LARP4B: variants seen among roughly 807,000 people sequenced by gnomAD.
The protein encoded by LARP4B is La ribonucleoprotein 4B.
In LARP4B, 12 loss-of-function variants were observed where a neutral mutation model predicts 89.8. That is an observed-to-expected ratio of 0.13 (90% CI 0.09 to 0.22). The LOEUF (loss-of-function observed/expected upper bound fraction) is 0.22, where lower values mean the gene tolerates loss of function less well. Ranked by LOEUF, LARP4B falls within the 10% of genes least tolerant of loss-of-function variation. The pLI is 1.00. For missense variants in LARP4B, 757 were observed against 947.7 expected (o/e 0.80, Z 2.64); for synonymous variants, 367 against 363.3 (o/e 1.01, Z -0.12).
intron 5 of LARP4B, among the ~76,000 whole-genome samples, chr10:850,451 A>G (rs1833984403): frequency 6.6e-6 from 1 of 152,264 alleles, no homozygotes; most frequent in African/African-American, 2.4e-5. Flanking sequence ...CAATGAATCA[A>G]GAGGCCACAA....
At chr10:972,861 G>A in the LARP4B span, 1 of 457,018 alleles carries the variant, frequency 2.2e-6, no homozygotes. Flanking sequence ...TACAGAGAAT[G>A]CTGGCAGTTC....
chr10:841,339 C>T (rs1237314306), intron 7 of LARP4B, among the ~76,000 whole-genome samples: 2 of 152,026 alleles, frequency 1.3e-5, no homozygotes, highest in Non-Finnish European at 2.9e-5. Context: ...GTCCAAAAAT[C>T]GAGTGAAAAA....
At chr10:834,980 C>CA (rs535452944) in intron 8 of LARP4B, among the ~76,000 whole-genome samples, 126 of 148,148 alleles carry the variant, frequency 8.5e-4, no homozygotes, top group South Asian at 7.6e-3. Context: ...GTGGAGGTTG[C>CA]AGTGAGCCGA....
chr10:839,053 CA>C (rs1833380523), intron 7 of LARP4B, among the ~76,000 whole-genome samples: 1 of 152,018 alleles, frequency 6.6e-6, no homozygotes, highest in Non-Finnish European at 1.5e-5. Context: ...GGACATTCTG[CA>C]AAAGGCAAAA....
At chr10:980,276 C>A in the LARP4B span, among the ~76,000 whole-genome samples, 1 of 152,180 alleles carries the variant, frequency 6.6e-6, no homozygotes, top group African/African-American at 2.4e-5. Context: ...GTGTAGGGTG[C>A]AAGCTGCTGG....
At chr10:978,969 C>G in the LARP4B span, among the ~76,000 whole-genome samples, 1 of 151,818 alleles carries the variant, frequency 6.6e-6, no homozygotes, top group South Asian at 2.1e-4. Context: ...TCCACTGTCT[C>G]CTGTCTCTCA....
the LARP4B span, among the ~76,000 whole-genome samples, chr10:966,991 G>A: frequency 3.9e-5 from 6 of 152,348 alleles, no homozygotes; most frequent in African/African-American, 7.2e-5. Context: ...CAAGGCGTTC[G>A]AACCCTTTCC....
At chr10:938,775 G>A in the LARP4B span, among the ~76,000 whole-genome samples, 2 of 152,076 alleles carry the variant, frequency 1.3e-5, no homozygotes, top group Non-Finnish European at 2.9e-5. Flanking sequence ...TAAATCCGAG[G>A]GTAGGATATA....
the LARP4B span, among the ~76,000 whole-genome samples, chr10:952,496 C>T: frequency 7.6e-6 from 1 of 131,690 alleles, no homozygotes; most frequent in African/African-American, 2.9e-5. Flanking sequence ...CCACAACCAA[C>T]TGCATAACAG....
At chr10:973,258 CA>C in the LARP4B span, among the ~76,000 whole-genome samples, 1 of 152,142 alleles carries the variant, frequency 6.6e-6, no homozygotes, top group African/African-American at 2.4e-5. Context: ...TGGGATAGCA[CA>C]ACCTCTTCCT....
intron 1 of LARP4B, among the ~76,000 whole-genome samples, chr10:893,318 A>G (rs1240484306): frequency 6.6e-6 from 1 of 152,198 alleles, no homozygotes; most frequent in African/African-American, 2.4e-5. Context: ...GTATATATAC[A>G]TGCCTACACA....
chr10:944,897 T>C, the LARP4B span, among the ~76,000 whole-genome samples: 1 of 152,358 alleles, frequency 6.6e-6, no homozygotes, highest in East Asian at 1.9e-4. Context: ...CAAGTCGTAC[T>C]TAGAATTAGT....
intron 15 of LARP4B, chr10:815,683 G>C (rs907999571): frequency 6.6e-6 from 1 of 152,250 alleles, no homozygotes; most frequent in Non-Finnish European, 1.5e-5. Flanking sequence ...AGCGACCCCT[G>C]TGCAGGGGCT....
chr10:983,588 T>C, the LARP4B span, among the ~76,000 whole-genome samples: 1 of 152,130 alleles, frequency 6.6e-6, no homozygotes, highest in Non-Finnish European at 1.5e-5. Context: ...AAGCATGGGG[T>C]CGGGGAAGCC....
the LARP4B span, among the ~76,000 whole-genome samples, chr10:940,750 G>GC: frequency 2.6e-5 from 4 of 152,208 alleles, no homozygotes; most frequent in Non-Finnish European, 5.9e-5. Context: ...CAGGAGAGGT[G>GC]TGAGCTAGTC....
At chr10:963,358 C>T in the LARP4B span, among the ~76,000 whole-genome samples, 14 of 152,322 alleles carry the variant, frequency 9.2e-5, no homozygotes, top group South Asian at 1.9e-3. Context: ...GCTTCTTATC[C>T]ACCACGCTGC....
the LARP4B span, among the ~76,000 whole-genome samples, chr10:960,239 G>T: frequency 1.3e-5 from 2 of 152,106 alleles, no homozygotes; most frequent in Non-Finnish European, 2.9e-5. Flanking sequence ...GTTGACAGAG[G>T]GGGAGGGATG....
downstream of LARP4B, chr10:808,524 G>A (rs1276745699): frequency 6.6e-6 from 1 of 152,120 alleles, no homozygotes; most frequent in Non-Finnish European, 1.5e-5. Context: ...GTAGAATAGA[G>A]ACCCTAGAGA....
the LARP4B span, among the ~76,000 whole-genome samples, chr10:967,680 C>G: frequency 3.9e-5 from 6 of 152,140 alleles, no homozygotes; most frequent in African/African-American, 1.4e-4. Context: ...CGGAGGCAAC[C>G]CCGGACTTCA....
Sources: gnomAD v4.1 joint callset for allele counts (sites outside exome capture counted in the v4.1 genomes callset) on GRCh38, gnomAD v4.1.1 for gene constraint, MANE v1.5 for transcripts, NCBI Gene and HGNC (gene_info 2026-07-23, HGNC 2026-07-21) for gene names.